The following OR52N1 variants were observed in gnomAD, a reference collection of about 807,000 sequenced individuals.
OR52N1 encodes the protein olfactory receptor family 52 subfamily N member 1, also known as olfactory receptor 52N1.
In OR52N1, 11 loss-of-function variants were observed where a neutral mutation model predicts 13.9. The observed-to-expected ratio is 0.79, with a 90% CI of 0.50 to 1.31. OR52N1 has a LOEUF of 1.31. Ranked by LOEUF, OR52N1 falls within the 40% of genes most tolerant of loss-of-function variation. The pLI is 0.00. For synonymous variants in OR52N1, 142 were observed against 143.7 expected (o/e 0.99, Z 0.08); for missense variants, 414 against 397.7 (o/e 1.04, Z -0.35).
In OR52N1 at chr11:5,788,283, G is replaced by A. The variant is rs1344166227; in HGVS notation, c.534C>T (p.His178=). ...LPYCKGNVIP[H]TYCDHMSVAK... ...CCACAGACATGTGGTCACAGTAGGTGTGGGGTATGACGTTGCCCTTGCAGT... is the reference window on the plus strand; with the variant it reads ...CCACAGACATGTGGTCACAGTAGGTATGGGGTATGACGTTGCCCTTGCAGT... The change falls in exon 2 of 2, where the codon CAC becomes CAT. Residue 178 remains histidine (H), a synonymous_variant. Transcript: ENST00000641645. 63 of 1,614,058 alleles carry A rather than the reference G, an allele frequency of 3.9e-5. No homozygotes were observed. The highest frequency in any genetic ancestry group is 5.2e-5 in the Non-Finnish European group (61 of 1,179,988).
chr11:5,787,038 T>C lies in OR52N1; in HGVS notation c.*816A>G, dbSNP rs188920579. ...CAAAAAGAGCAGATATTACAAATAA[T>C]AGGCTCATGAAATATCACTAAGTTG... On this transcript the variant is annotated 3_prime_UTR_variant, in exon 2 of 2. Coordinates refer to ENST00000641645, the MANE Select transcript of OR52N1 (RefSeq NM_001001913.2). The C allele has an allele frequency of 1.4e-5, 2 of 139,656 alleles. 1 individual carries two copies. The highest frequency in any genetic ancestry group is 4.1e-4 in the East Asian group (2 of 4,844). 8.7% of individuals were successfully genotyped at this position (139,656 alleles called of 1,614,324 possible).
chr11:5,789,257 A>G (rs2134230371), intron 1 of OR52N1, among the ~76,000 whole-genome samples: 1 of 152,332 alleles, frequency 6.6e-6, no homozygotes, highest in South Asian at 2.1e-4. Context: ...TACCTTTCAA[A>G]TTAAATCTGT....
At position 5,788,258 on chromosome 11, in the gene OR52N1, C is replaced by T. The variant is rs773543025; in HGVS notation, c.559G>A (p.Ala187Thr). Residue 187 changes from alanine (A) to threonine (T), a missense_variant, in exon 2 of 2, where the codon GCC (alanine) becomes ACC (threonine). Physicochemically the swap from Ala to Thr is moderately conservative, Grantham distance 58. Transcript: ENST00000641645. ...PHTYCDHMSV[A>T]KISCGNVRVN... ...CTGACATTACCACAAGATATCTTGG[C>T]CACAGACATGTGGTCACAGTAGGTG... 1.2e-6 allele frequency: 2 copies of T among 1,613,954 alleles called. No individual in the cohort carries two copies. Among genetic ancestry groups the T allele is most frequent in the African/African-American group, 2.7e-5 (2 of 74,932 alleles).
rs1854601788 is a variant in OR52N1 at position 5,787,135 on chromosome 11, C to G, written c.*719G>C. The G allele has an allele frequency of 7.1e-6, 1 of 140,104 alleles. No individual in the cohort carries two copies. The highest frequency in any genetic ancestry group is 1.6e-5 in the Non-Finnish European group (1 of 63,416). The allele number at this position is 140,104 out of a possible 1,614,324, so 8.7% of individuals were successfully genotyped here. A position where few individuals can be genotyped will look rare whatever the true frequency, so the allele number is the denominator to read the frequency against. ...TACCTCAGAAGCATCCCCCTCATTA[C>G]CTGGTTTCTCATTCTCAAAGTTAAA... On this transcript the variant is annotated 3_prime_UTR_variant, in exon 2 of 2. Transcript: ENST00000641645.
At position 5,787,096 on chromosome 11, in the gene OR52N1, C is replaced by T. The variant is rs1028302611; in HGVS notation, c.*758G>A. 2 of 139,922 alleles carry T rather than the reference C, an allele frequency of 1.4e-5. 1 individual carries two copies. Among genetic ancestry groups the T allele is most frequent in the Non-Finnish European group, 3.2e-5 (2 of 63,378 alleles). 8.7% of individuals were successfully genotyped at this position (139,922 alleles called of 1,614,324 possible). A position where few individuals can be genotyped will look rare whatever the true frequency, so the allele number is the denominator to read the frequency against. ...CTGCAACTACCATCCAGGTCAAGAACTAATCAACGGTGGTACCTCAGAAGC... is the reference window on the plus strand; with the variant it reads ...CTGCAACTACCATCCAGGTCAAGAATTAATCAACGGTGGTACCTCAGAAGC... On this transcript the variant is annotated 3_prime_UTR_variant, in exon 2 of 2. Coordinates refer to ENST00000641645, the MANE Select transcript of OR52N1 (RefSeq NM_001001913.2).
At chr11:5,789,777 T>G (rs1268387108) in intron 1 of OR52N1, among the ~76,000 whole-genome samples, 1 of 152,114 alleles carries the variant, frequency 6.6e-6, no homozygotes, top group Non-Finnish European at 1.5e-5. Flanking sequence ...TTCTTTTGTA[T>G]ACAGAAGATG....
Position 5,788,043 on chromosome 11 carries a change from G to A in OR52N1, c.774C>T (p.Phe258=). 2 of 1,107,820 alleles carry A rather than the reference G, an allele frequency of 1.8e-6. 1 individual carries two copies. Among genetic ancestry groups the A allele is most frequent in the Non-Finnish European group, 2.5e-6 (2 of 808,966 alleles). 68.6% of individuals were successfully genotyped at this position (1,107,820 alleles called of 1,614,324 possible). A position where few individuals can be genotyped will look rare whatever the true frequency, so the allele number is the denominator to read the frequency against. The part of the protein sequence containing the change: ...CAIVLTYVPA[F]FTFFTHHFGG... ...CAAAATGGTGTGTAAAGAAGGTAAA[G>A]AAGGCTGGAACATAGGTGAGGACTA... The change falls in exon 2 of 2, where the codon TTC becomes TTT. Residue 258 remains phenylalanine, a synonymous_variant. Coordinates refer to ENST00000641645, the MANE Select transcript of OR52N1 (RefSeq NM_001001913.2).
intron 1 of OR52N1, among the ~76,000 whole-genome samples, chr11:5,790,849 T>A (rs1162714676): frequency 6.6e-6 from 1 of 152,112 alleles, no homozygotes; most frequent in Non-Finnish European, 1.5e-5. Context: ...CTTTGTCAGA[T>A]ACATAGTTTG....
At chr11:5,789,948 G>A (rs1246568676) in intron 1 of OR52N1, among the ~76,000 whole-genome samples, 1 of 152,052 alleles carries the variant, frequency 6.6e-6, no homozygotes, top group African/African-American at 2.4e-5. Flanking sequence ...ATGAAAATAG[G>A]CTTCACGGGT....
In OR52N1 at chr11:5,788,092, G is replaced by A. The variant is rs762046289; in HGVS notation, c.725C>T (p.Thr242Ile). 1.9e-6 allele frequency: 3 copies of A among 1,614,024 alleles called. No individual in the cohort carries two copies. The highest frequency in any genetic ancestry group is 1.7e-5 in the Admixed American group (1 of 60,008). Residue 242 changes from threonine (T) to isoleucine (I), a missense_variant, in exon 2 of 2, where the codon ACC becomes ATC. Coordinates refer to ENST00000641645, the MANE Select transcript of OR52N1 (RefSeq NM_001001913.2). ...TATGGCACAGAAGTGGGCAGTGCAG[G>A]TGCTGAAGGCCTTCTGTCGAGCATC... ...SADARQKAFS[T>I]CTAHFCAIVL... is the part of the protein sequence containing the mutation.
In OR52N1 at chr11:5,788,583, G is replaced by T; in HGVS notation, c.234C>A (p.Ser78Arg). Residue 78 changes from serine to arginine, a missense_variant, in exon 2 of 2, where the codon AGC (serine) becomes AGA (arginine). Physicochemically the swap from Ser to Arg is moderately radical, Grantham distance 110 (BLOSUM62 -1). Transcript: ENST00000641645. ...LSFTDVLMCT[S>R]TLPNTLFILW... ...ATATGAAGAGAGTGTTGGGAAGGGT[G>T]CTGGTGCACATGAGCACATCTGTGA... The T allele has an allele frequency of 6.2e-7, 1 of 1,613,968 alleles. No homozygotes were observed. Among genetic ancestry groups the T allele is most frequent in the Non-Finnish European group, 8.5e-7 (1 of 1,179,916 alleles).
At chr11:5,790,843 G>C (rs978639499) in intron 1 of OR52N1, among the ~76,000 whole-genome samples, 1 of 151,790 alleles carries the variant, frequency 6.6e-6, no homozygotes, top group Non-Finnish European at 1.5e-5. Flanking sequence ...TTAGACCTTT[G>C]TCAGATACAT....
At chr11:5,789,282 T>C (rs997807614) in intron 1 of OR52N1, among the ~76,000 whole-genome samples, 4 of 152,236 alleles carry the variant, frequency 2.6e-5, no homozygotes, top group South Asian at 2.1e-4. Context: ...ATGGACATAC[T>C]GACAATATTT....
chr11:5,790,224 T>A (rs1229313215), intron 1 of OR52N1, among the ~76,000 whole-genome samples: 1 of 152,092 alleles, frequency 6.6e-6, no homozygotes. Context: ...TTTTATAAAA[T>A]TTTTATGTCC....
Position 5,788,877 on chromosome 11 carries a change from A to T in OR52N1, c.-44-17T>A, listed in dbSNP as rs1227965220. 7.3e-7 allele frequency: 1 copy of T among 1,366,364 alleles called. No individual in the cohort carries two copies. The highest frequency in any genetic ancestry group is 9.4e-7 in the Non-Finnish European group (1 of 1,062,288). 84.6% of individuals were successfully genotyped at this position (1,366,364 alleles called of 1,614,324 possible). On this transcript the variant is annotated splice_polypyrimidine_tract_variant and intron_variant, in intron 1 of 1. Coordinates refer to ENST00000641645, the MANE Select transcript of OR52N1 (RefSeq NM_001001913.2). ...GCATTGCCTCTGTGAGCAGGAAATA[A>T]AAAAAAGAGTAATTTCAAGGAGTGA... is the stretch of plus-strand genomic sequence containing the variant.
chr11:5,789,069 T>C (rs1170408289), intron 1 of OR52N1, among the ~76,000 whole-genome samples: 2 of 152,172 alleles, frequency 1.3e-5, no homozygotes, highest in Non-Finnish European at 1.5e-5. Flanking sequence ...CATTTGGACC[T>C]GAATATCTGG....
Position 5,787,723 on chromosome 11 carries a change from T to C in OR52N1, c.*131A>G, listed in dbSNP as rs1854607715. 1.2e-6 allele frequency: 1 copy of C among 820,946 alleles called. No homozygotes were observed. The highest frequency in any genetic ancestry group is 2.6e-5 in the Admixed American group (1 of 38,144). The allele number at this position is 820,946 out of a possible 1,614,324, so 50.9% of individuals were successfully genotyped here. A position where few individuals can be genotyped will look rare whatever the true frequency, so the allele number is the denominator to read the frequency against. On this transcript the variant is annotated 3_prime_UTR_variant, in exon 2 of 2. Transcript: ENST00000641645. ...CCTATTTGAACATGATGGTACCCTT[T>C]CCAAAGATGTAGAGTAATCCGAGTA...
At position 5,788,455 on chromosome 11, in the gene OR52N1, G is replaced by A; in HGVS notation, c.362C>T (p.Ala121Val). 1.2e-6 allele frequency: 2 copies of A among 1,614,066 alleles called. No individual in the cohort carries two copies. Among genetic ancestry groups the A allele is most frequent in the Non-Finnish European group, 1.7e-6 (2 of 1,179,988 alleles). The stretch of plus-strand genomic sequence containing the variant: ...GCAGATGGCCACACAGTGGTCCAGG[G>A]CCATGAGCATGAGCACCCCAGACTC... ...GMESGVLMLM[A>V]LDHCVAICFP... is the part of the protein sequence containing the mutation. Residue 121 changes from alanine to valine, a missense_variant, in exon 2 of 2, where the codon GCC becomes GTC. Physicochemically the swap from Ala to Val is moderately conservative, Grantham distance 64. Coordinates refer to ENST00000641645, the MANE Select transcript of OR52N1 (RefSeq NM_001001913.2).
intron 1 of OR52N1, among the ~76,000 whole-genome samples, chr11:5,790,439 A>G (rs1854645216): frequency 6.6e-6 from 1 of 152,116 alleles, no homozygotes; most frequent in Non-Finnish European, 1.5e-5. Flanking sequence ...TGCTGCTTTT[A>G]GCTTTCACAG....
Sources: allele counts gnomAD v4.1 joint callset (sites outside exome capture counted in the v4.1 genomes callset), GRCh38; gene constraint gnomAD v4.1.1; transcripts MANE v1.5; gene names NCBI Gene and HGNC (gene_info 2026-07-23, HGNC 2026-07-21).